Variants in ANKRD11 observed in about 807,000 individuals in gnomAD.
ANKRD11 encodes the protein ankyrin repeat domain-containing protein 11.
ANKRD11 carries 17 observed loss-of-function variants against 195.7 expected under a neutral mutation model. The observed-to-expected ratio is 0.09, with a 90% CI of 0.06 to 0.13. The LOEUF is 0.13. ANKRD11 is among the 10% of genes least tolerant of loss of function. ANKRD11 has a pLI of 1.00. For synonymous variants in ANKRD11, 1,953 were observed against 1,528.1 expected (o/e 1.28, Z -6.49); for missense variants, 3,735 against 3,566.1 (o/e 1.05, Z -1.21).
In ANKRD11 at chr16:89,381,753, C is replaced by A. The variant is rs574110257; in HGVS notation, c.-60+36531G>T. Among the ~76,000 whole-genome samples the A allele has an allele frequency of 9.2e-5, 14 of 152,294 alleles. No individual in the cohort carries two copies. In the South Asian group the frequency reaches 2.9e-3, roughly 32 times the overall value. On this transcript the variant is annotated intron_variant, in intron 2 of 12. Coordinates refer to ENST00000301030, the MANE Select transcript of ANKRD11 (RefSeq NM_013275.6). ...AATACCTGTCAGCATATACACCCCT[C>A]CTTACCGAATTTATACACTTTGTGA...
rs142332018 is a variant in ANKRD11 at position 89,281,226 on chromosome 16, C to T, written c.5316G>A (p.Ser1772=). 4.3e-5 allele frequency: 69 copies of T among 1,614,068 alleles called. No homozygotes were observed. Among genetic ancestry groups the T allele is most frequent in the Middle Eastern group, 3.3e-4 (2 of 6,084 alleles). The part of the protein sequence containing the change: ...DRFSVASSGL[S]ENASQAPARP... ...TGGCAGGAGCCTGGCTGGCGTTTTC[C>T]GAAAGCCCACTTGAAGCCACGGAGA... Residue 1772 remains serine, a synonymous_variant, in exon 9 of 13, where the codon TCG becomes TCA. Coordinates refer to ENST00000301030, the MANE Select transcript of ANKRD11 (RefSeq NM_013275.6). This position sits in a 1 kb window ranked among gnomAD's most constrained non-coding sequence, Gnocchi z 5.5.
chr16:89,476,353 C>A (rs534590513), intron 1 of ANKRD11, among the ~76,000 whole-genome samples: 1 of 152,226 alleles, frequency 6.6e-6, no homozygotes, highest in Non-Finnish European at 1.5e-5. Context: ...GAACTCTCAA[C>A]TAGCAGACTG....
chr16:89,372,650 T>G (rs2040245227), intron 2 of ANKRD11, among the ~76,000 whole-genome samples: 3 of 152,176 alleles, frequency 2.0e-5, no homozygotes, highest in Admixed American at 2.0e-4. Flanking sequence ...AAAAAAATTT[T>G]TTTGAAAACA....
chr16:89,356,752 G>C (rs1172619377), intron 2 of ANKRD11, among the ~76,000 whole-genome samples: 1 of 138,862 alleles, frequency 7.2e-6, no homozygotes, highest in Non-Finnish European at 1.5e-5. Context: ...CTGCACTCTA[G>C]CCTGGGCGAC....
chr16:89,410,881 C>T (rs755227445), intron 2 of ANKRD11, among the ~76,000 whole-genome samples: 1 of 152,138 alleles, frequency 6.6e-6, no homozygotes, highest in South Asian at 2.1e-4. Flanking sequence ...TGTGCGTGAA[C>T]ACGTGTTCTA....
chr16:89,284,306 T>G lies in ANKRD11; in HGVS notation c.2236A>C (p.Arg746=). ...KDRSNKAEKE[R]SLKEKSPKEE... Reference sequence around the variant, plus strand: ...TTCGGAGACTTTTCCTTCAGCGATCTCTCCTTTTCTGCTTTATTCGAACGG... The same window carrying G: ...TTCGGAGACTTTTCCTTCAGCGATCGCTCCTTTTCTGCTTTATTCGAACGG... The change falls in exon 9 of 13, where the codon AGA becomes CGA. Residue 746 remains arginine, a synonymous_variant. Transcript: ENST00000301030. The G allele has an allele frequency of 6.2e-7, 1 of 1,613,930 alleles. No homozygotes were observed. Among genetic ancestry groups the G allele is most frequent in the Non-Finnish European group, 8.5e-7 (1 of 1,180,022 alleles).
chr16:89,301,185 C>T (rs1292599887), intron 4 of ANKRD11: 4 of 451,084 alleles, frequency 8.9e-6, no homozygotes, highest in South Asian at 9.0e-5. Context: ...CGGCTCACTG[C>T]AGCCTTGACC....
intron 2 of ANKRD11, among the ~76,000 whole-genome samples, chr16:89,381,438 G>A (rs998448629): frequency 4.6e-5 from 7 of 151,654 alleles, no homozygotes; most frequent in African/African-American, 1.5e-4. Context: ...ACCAGTTTAG[G>A]GTTATTGTAT....
Position 89,283,128 on chromosome 16 carries a change from T to C in ANKRD11, c.3414A>G (p.Gly1138=). 6.2e-7 allele frequency: 1 copy of C among 1,614,002 alleles called. No homozygotes were observed. The highest frequency in any genetic ancestry group is 8.5e-7 in the Non-Finnish European group (1 of 1,180,018). The change falls in exon 9 of 13, where the codon GGA becomes GGG. Residue 1138 remains glycine (G), a synonymous_variant. Transcript: ENST00000301030. The surrounding 1 kb of genome is among the most constrained non-coding windows in gnomAD (Gnocchi z 4.3). ...DSCMGSGFKM[G]EASDLPRTDG... ...CCGTCCTCGGCAAGTCGCTGGCCTC[T>C]CCCATCTTGAACCCGCTCCCCATGC...
intron 4 of ANKRD11, among the ~76,000 whole-genome samples, chr16:89,304,879 C>A (rs1227767879): frequency 6.6e-6 from 1 of 152,198 alleles, no homozygotes; most frequent in Non-Finnish European, 1.5e-5. Flanking sequence ...ACCACTGTCT[C>A]CCTCCCGTGT....
chr16:89,392,933 G>T (rs1472478647), intron 2 of ANKRD11, among the ~76,000 whole-genome samples: 1 of 151,922 alleles, frequency 6.6e-6, no homozygotes, highest in East Asian at 1.9e-4. Flanking sequence ...CATCTGAAAT[G>T]AGTGAGTGAT....
chr16:89,484,357 A>G (rs2057537822), intron 1 of ANKRD11, among the ~76,000 whole-genome samples: 1 of 152,216 alleles, frequency 6.6e-6, no homozygotes, highest in Admixed American at 6.5e-5. Flanking sequence ...GATAAGTTTA[A>G]ACAGTACAGC....
At chr16:89,459,506 T>G (rs540261387) in intron 1 of ANKRD11, 2 of 152,200 alleles carry the variant, frequency 1.3e-5, no homozygotes, top group Non-Finnish European at 2.9e-5. Flanking sequence ...TCTTACAAGT[T>G]TTTTATTTCC....
intron 2 of ANKRD11, among the ~76,000 whole-genome samples, chr16:89,357,443 CA>C (rs963094257): frequency 6.8e-6 from 1 of 147,952 alleles, no homozygotes; most frequent in African/African-American, 2.5e-5. Context: ...GTGCAACTGC[CA>C]AAAAAAAACA....
In ANKRD11 at chr16:89,305,209, T is replaced by C; in HGVS notation, c.223A>G (p.Thr75Ala). The C allele has an allele frequency of 6.2e-7, 1 of 1,612,262 alleles. No individual in the cohort carries two copies. The highest frequency in any genetic ancestry group is 8.5e-7 in the Non-Finnish European group (1 of 1,179,712). Residue 75 changes from threonine (T) to alanine (A), a missense_variant, in exon 4 of 13, where the codon ACA becomes GCA. By Grantham distance (58) the Thr-to-Ala change is moderately conservative (BLOSUM62 0). Coordinates refer to ENST00000301030, the MANE Select transcript of ANKRD11 (RefSeq NM_013275.6). ...AGGAGGGGCCGCGGGCTGGTACCTG[T>C]GTCCGAGTCCTTCTGCTCCCCATTG... is the stretch of plus-strand genomic sequence containing the variant. ...GANGEQKDSD[T>A]EKQGPERKRI...
intron 2 of ANKRD11, chr16:89,323,271 CCTA>C: frequency 7.8e-7 from 1 of 1,285,026 alleles, no homozygotes; most frequent in South Asian, 1.2e-5. Flanking sequence ...ACCTGGCAGG[CCTA>C]CTGTGTGCAA....
At chr16:89,407,870 A>C (rs993691260) in intron 2 of ANKRD11, among the ~76,000 whole-genome samples, 1 of 150,922 alleles carries the variant, frequency 6.6e-6, no homozygotes, top group Non-Finnish European at 1.5e-5. Context: ...AAAAAAAAAA[A>C]AAAGAAGAAG....
At chr16:89,334,157 A>C (rs2038215910) in intron 2 of ANKRD11, among the ~76,000 whole-genome samples, 1 of 139,560 alleles carries the variant, frequency 7.2e-6, no homozygotes, top group African/African-American at 2.7e-5. Flanking sequence ...AAAAAAAAAA[A>C]AAAAAAAAAA....
chr16:89,335,576 C>T (rs572567935), intron 2 of ANKRD11, among the ~76,000 whole-genome samples: 121 of 152,346 alleles, frequency 7.9e-4, no homozygotes, highest in African/African-American at 2.7e-3. Flanking sequence ...AGCAGAACAG[C>T]GAGTGACGTC....
Sources: gnomAD v4.1 joint callset for allele counts (sites outside exome capture counted in the v4.1 genomes callset) on GRCh38, gnomAD v4.1.1 for gene constraint, Gnocchi (gnomAD v3.1) non-coding constraint, MANE v1.5 for transcripts, NCBI Gene and HGNC (gene_info 2026-07-23, HGNC 2026-07-21) for gene names.